Variants in ABCD2 observed in about 807,000 individuals in gnomAD.
The protein encoded by ABCD2 is ATP-binding cassette sub-family D member 2.
In ABCD2, 36 loss-of-function variants were observed where a neutral mutation model predicts 70.9. That is an observed-to-expected ratio of 0.51 (90% CI 0.39 to 0.67). ABCD2 has a LOEUF of 0.67. Ranked by LOEUF, ABCD2 falls within the 30% of genes least tolerant of loss-of-function variation. The pLI, the probability that ABCD2 is intolerant of heterozygous loss-of-function variation, is 0.00. For missense variants in ABCD2, 729 were observed against 890.2 expected, an observed-to-expected ratio of 0.82 and a Z score of 2.30; for synonymous variants, 304 against 306.9, an observed-to-expected ratio of 0.99 and a Z score of 0.10.
chr12:39,557,072 G>A (rs967937251), intron 9 of ABCD2, among the ~76,000 whole-genome samples: 23 of 152,124 alleles, frequency 1.5e-4, no homozygotes, highest in African/African-American at 5.6e-4. Context: ...GGGCTCAGAA[G>A]ATGGGAAGAT....
chr12:39,552,561 A>T lies in ABCD2; in HGVS notation c.*1351T>A, dbSNP rs1056870096. 4.6e-5 allele frequency: 7 copies of T among 151,930 alleles called. No homozygotes were observed. Among genetic ancestry groups the T allele is most frequent in the African/African-American group, 1.7e-4 (7 of 41,420 alleles). 9.4% of individuals were successfully genotyped at this position (151,930 alleles called of 1,614,324 possible). ...GTTCAATAAATATTAACTTTACCAAAACCATAATTATTTGCCCTTCTCATT... is the reference window on the plus strand; with the variant it reads ...GTTCAATAAATATTAACTTTACCAATACCATAATTATTTGCCCTTCTCATT... On this transcript the variant is annotated 3_prime_UTR_variant, in exon 10 of 10. Coordinates refer to ENST00000308666, the MANE Select transcript of ABCD2 (RefSeq NM_005164.4).
rs530857981 is a variant in ABCD2, at chr12:39,560,744, A to G, written c.2004-6613T>C. 2.6e-5 allele frequency among the ~76,000 whole-genome samples: 4 copies of G among 152,264 alleles called. No homozygotes were observed. The South Asian group carries it at 6.2e-4, about 24-fold the overall frequency. ...TTGTGCCTTTTTTGCAATTAAATTA[A>G]AGTTGTTATGAACTTAAAATAACAT... is the stretch of plus-strand genomic sequence containing the variant. On this transcript the variant is annotated intron_variant, in intron 9 of 9. Coordinates refer to ENST00000308666, the MANE Select transcript of ABCD2 (RefSeq NM_005164.4).
chr12:39,605,028 G>A, intron 3 of ABCD2, 98 bp from the exon 4 acceptor site: 11 of 978,144 alleles, frequency 1.1e-5, no homozygotes, highest in Non-Finnish European at 1.6e-5. Context: ...TAATGTAAAA[G>A]ATTATATTGC....
Position 39,604,010 on chromosome 12 carries a change from T to C in ABCD2, c.1406-4A>G. 1 of 1,590,886 alleles carries C rather than the reference T, an allele frequency of 6.3e-7. No individual in the cohort carries two copies. The highest frequency in any genetic ancestry group is 8.6e-7 in the Non-Finnish European group (1 of 1,160,940). ...TGATCCACATCAATAACTTTTCCTG[T>C]AATTAAGAAAAAGTGTAAGATACAA... On this transcript the variant is annotated splice_region_variant and splice_polypyrimidine_tract_variant and intron_variant, in intron 4 of 9. Transcript: ENST00000308666.
At chr12:39,580,416 G>A (rs1045181431) in intron 7 of ABCD2, among the ~76,000 whole-genome samples, 3 of 152,020 alleles carry the variant, frequency 2.0e-5, no homozygotes, top group Non-Finnish European at 4.4e-5. Flanking sequence ...AATAGAGTAG[G>A]TCTTGTATAT....
chr12:39,560,152 T>C (rs1165078780), intron 9 of ABCD2, among the ~76,000 whole-genome samples: 1 of 152,144 alleles, frequency 6.6e-6, no homozygotes, highest in Non-Finnish European at 1.5e-5. Context: ...TAATGCTATC[T>C]CTCCCTGCTG....
At chr12:39,579,172 G>A (rs1416101206) in intron 8 of ABCD2, among the ~76,000 whole-genome samples, 1 of 152,104 alleles carries the variant, frequency 6.6e-6, no homozygotes, top group Non-Finnish European at 1.5e-5. Flanking sequence ...GACCAGCCTG[G>A]CCAACATGGT....
chr12:39,542,669 G>C, the ABCD2 span, among the ~76,000 whole-genome samples: 36 of 152,252 alleles, frequency 2.4e-4, 1 homozygote, highest in East Asian at 6.6e-3. Flanking sequence ...TGGCTGTGGA[G>C]TATGAAGAGC....
intron 9 of ABCD2, among the ~76,000 whole-genome samples, chr12:39,562,024 A>C (rs1453998561): frequency 6.6e-6 from 1 of 152,178 alleles, no homozygotes; most frequent in Non-Finnish European, 1.5e-5. Context: ...CCTAGAAATC[A>C]ATAAACAGGA....
intron 6 of ABCD2, among the ~76,000 whole-genome samples, chr12:39,587,165 A>G (rs940593801): frequency 6.6e-6 from 1 of 152,210 alleles, no homozygotes; most frequent in Non-Finnish European, 1.5e-5. Context: ...TACAACATAA[A>G]TACCCATACA....
At chr12:39,544,154 G>T in the ABCD2 span, among the ~76,000 whole-genome samples, 2 of 152,262 alleles carry the variant, frequency 1.3e-5, no homozygotes, top group South Asian at 4.1e-4. Flanking sequence ...AAGCCAGTGA[G>T]CCAGAAGTGC....
chr12:39,554,857 T>C (rs1168437093), intron 9 of ABCD2, among the ~76,000 whole-genome samples: 1 of 152,188 alleles, frequency 6.6e-6, no homozygotes, highest in Non-Finnish European at 1.5e-5. Flanking sequence ...GAGCTGGTCC[T>C]GCATGGCTGA....
chr12:39,586,645 C>G (rs1941670216), intron 6 of ABCD2, among the ~76,000 whole-genome samples: 1 of 152,144 alleles, frequency 6.6e-6, no homozygotes, highest in Non-Finnish European at 1.5e-5. Flanking sequence ...TTCCTCCTAA[C>G]TTGGCCTCCC....
the ABCD2 span, among the ~76,000 whole-genome samples, chr12:39,531,917 T>G: frequency 6.6e-6 from 1 of 152,384 alleles, no homozygotes; most frequent in South Asian, 2.1e-4. Context: ...CAAAGAAGAC[T>G]GAGGAGAGCA....
chr12:39,578,463 G>C (rs2120611022), intron 8 of ABCD2, among the ~76,000 whole-genome samples: 1 of 124,304 alleles, frequency 8.0e-6, no homozygotes. Flanking sequence ...GACAGAGCAA[G>C]ACTCCGTCTC....
the ABCD2 span, among the ~76,000 whole-genome samples, chr12:39,544,020 A>G: frequency 1.6e-4 from 25 of 152,206 alleles, no homozygotes; most frequent in African/African-American, 6.0e-4. Context: ...GGAAATTGCA[A>G]TAGAGAAAGA....
rs1434596616 is a variant in ABCD2 at position 39,619,080 on chromosome 12, A to G, written c.536T>C (p.Leu179Pro). ...ATAGGTTTCATAGGCGTGGTCTACT[A>G]GGCGAGTTCTGAAGGCCAAAGCCAA... ...CKLALAFRTR[L>P]VDHAYETYFT... The change falls in exon 1 of 10, where the codon CTA (leucine) becomes CCA (proline). Residue 179 changes from leucine to proline, a missense_variant. Coordinates refer to ENST00000308666, the MANE Select transcript of ABCD2 (RefSeq NM_005164.4). 1 of 1,614,244 alleles carries G rather than the reference A, an allele frequency of 6.2e-7. No homozygotes were observed. Among genetic ancestry groups the G allele is most frequent in the Non-Finnish European group, 8.5e-7 (1 of 1,180,044 alleles).
downstream of ABCD2, among the ~76,000 whole-genome samples, chr12:39,549,790 C>G (rs547757035): frequency 1.3e-5 from 2 of 151,820 alleles, no homozygotes; most frequent in African/African-American, 2.4e-5. Flanking sequence ...AAATATTGCT[C>G]ATGTCAAATT....
chr12:39,604,073 T>G lies in ABCD2; in HGVS notation c.1406-67A>C, dbSNP rs964076877. Reference sequence around the variant, plus strand: ...GTTTCTGATTAAATAACGTAAATTATTATGCAGTATAACAGGTAATTTCAA... The same window carrying G: ...GTTTCTGATTAAATAACGTAAATTAGTATGCAGTATAACAGGTAATTTCAA... On this transcript the variant is annotated intron_variant, in intron 4 of 9. Coordinates refer to ENST00000308666, the MANE Select transcript of ABCD2 (RefSeq NM_005164.4). 4 of 1,084,810 alleles carry G rather than the reference T, an allele frequency of 3.7e-6. No homozygotes were observed. In the African/African-American group the frequency reaches 6.3e-5, roughly 17 times the overall value. The allele number at this position is 1,084,810 out of a possible 1,614,324, so 67.2% of individuals were successfully genotyped here.
Sources: gnomAD v4.1 joint callset for allele counts (sites outside exome capture counted in the v4.1 genomes callset) on GRCh38, gnomAD v4.1.1 for gene constraint, MANE v1.5 for transcripts, NCBI Gene and HGNC (gene_info 2026-07-23, HGNC 2026-07-21) for gene names.